The following MACROD1 variants were observed in gnomAD, a reference collection of about 807,000 sequenced individuals.
MACROD1 encodes the protein mono-ADP ribosylhydrolase 1, also known as ADP-ribose glycohydrolase MACROD1.
In MACROD1, 31 loss-of-function variants were observed where a neutral mutation model predicts 41.4. The observed-to-expected ratio is 0.75, with a 90% CI of 0.56 to 1.01. The LOEUF (loss-of-function observed/expected upper bound fraction) is 1.01, where lower values mean the gene tolerates loss of function less well. Among genes scored for constraint, MACROD1 ranks in the 50% least tolerant of loss-of-function variants. The pLI, the probability that MACROD1 is intolerant of heterozygous loss-of-function variation, is 0.00. For missense variants in MACROD1, 473 were observed against 460.0 expected, an observed-to-expected ratio of 1.03 and a Z score of -0.26; for synonymous variants, 252 against 203.4, an observed-to-expected ratio of 1.24 and a Z score of -2.03.
intron 10 of MACROD1, 51 bp downstream of exon 10, chr11:63,998,787 G>A: frequency 6.9e-7 from 1 of 1,457,694 alleles, no homozygotes; most frequent in Non-Finnish European, 9.0e-7. Flanking sequence ...GGGGTTAGTG[G>A]GCGGGTTAGT....
In MACROD1 at chr11:64,000,329, G is replaced by A; in HGVS notation, c.562C>T (p.His188Tyr). The A allele has an allele frequency of 6.3e-7, 1 of 1,582,912 alleles. No homozygotes were observed. Among genetic ancestry groups the A allele is most frequent in the Non-Finnish European group, 8.6e-7 (1 of 1,166,196 alleles). ...LGGGGVDGCI[H>Y]RAAGPLLTDE... is the part of the protein sequence containing the mutation. ...GTAAGCAGGGGGCCGGCGGCCCGAT[G>A]AATGCAGCCGTCCACTGCGGGAAGG... Residue 188 changes from histidine (H) to tyrosine (Y), a missense_variant, in exon 5 of 11, where the codon CAT (histidine) becomes TAT (tyrosine). Coordinates refer to ENST00000255681, the MANE Select transcript of MACROD1 (RefSeq NM_014067.4).
chr11:64,126,491 AC>A (rs940698090), intron 3 of MACROD1, among the ~76,000 whole-genome samples: 2 of 152,148 alleles, frequency 1.3e-5, no homozygotes, highest in Non-Finnish European at 2.9e-5. Context: ...AAGAGCCCGT[AC>A]CCCCTATAAA....
chr11:64,152,279 G>A lies in MACROD1; in HGVS notation c.400+13C>T, dbSNP rs189135366. 374 of 1,613,452 alleles carry A rather than the reference G, an allele frequency of 2.3e-4. 3 individuals are homozygous for A. The African/African-American group carries it at 4.0e-3, about 17-fold the overall frequency. Reference sequence around the variant, plus strand: ...GAGCCTGCCCACCAGGGCCTCCCCCGAGCAGGGCCTACCTTTCGCCATCTC... The same window carrying A: ...GAGCCTGCCCACCAGGGCCTCCCCCAAGCAGGGCCTACCTTTCGCCATCTC... On this transcript the variant is annotated intron_variant, in intron 2 of 10. Coordinates refer to ENST00000255681, the MANE Select transcript of MACROD1 (RefSeq NM_014067.4).
chr11:64,165,922 G>A lies in MACROD1; in HGVS notation c.73C>T (p.Arg25Cys), dbSNP rs1182967866. Reference sequence around the variant, plus strand: ...CCCGCCAAGTGTCCGGGCCGGGGGCGCGGGGGGACGAGCAGCTGCCCCGCC... The same window carrying A: ...CCCGCCAAGTGTCCGGGCCGGGGGCACGGGGGGACGAGCAGCTGCCCCGCC... ...RAAGQLLVPP[R>C]PRPGHLAGAT... The change falls in exon 1 of 11, where the codon CGC (arginine) becomes TGC (cysteine). Residue 25 changes from arginine (R) to cysteine (C), a missense_variant. Coordinates refer to ENST00000255681, the MANE Select transcript of MACROD1 (RefSeq NM_014067.4). The A allele has an allele frequency of 1.5e-6, 2 of 1,328,430 alleles. No individual in the cohort carries two copies. The highest frequency in any genetic ancestry group is 9.6e-7 in the Non-Finnish European group (1 of 1,046,218). The allele number at this position is 1,328,430 out of a possible 1,614,324, so 82.3% of individuals were successfully genotyped here.
intron 3 of MACROD1, among the ~76,000 whole-genome samples, chr11:64,078,225 C>T (rs563739404): frequency 6.0e-4 from 92 of 152,300 alleles, no homozygotes; most frequent in Non-Finnish European, 1.2e-3. Flanking sequence ...CCCAGTAGGA[C>T]GTGCCCTCCA....
At chr11:64,058,028 C>T (rs1389916617) in intron 3 of MACROD1, among the ~76,000 whole-genome samples, 1 of 152,222 alleles carries the variant, frequency 6.6e-6, no homozygotes. Context: ...ATCTGTGAGC[C>T]ACTGAGTAAT....
chr11:64,157,661 T>A (rs756557081), intron 1 of MACROD1, among the ~76,000 whole-genome samples: 7 of 152,080 alleles, frequency 4.6e-5, no homozygotes, highest in African/African-American at 9.7e-5. Context: ...GGAAGCAGGC[T>A]CCACCAGAAC....
rs76766582 is a variant in MACROD1 at position 64,087,393 on chromosome 11, G to A, written c.517+63846C>T. ...ACGGCTGTAGCCCTGACCACAGGCC[G>A]GTTGTCCCCAGCCCGAGGAGACTCC... On this transcript the variant is annotated intron_variant, in intron 3 of 10. Transcript: ENST00000255681. Among the ~76,000 whole-genome samples the A allele has an allele frequency of 6.1e-3, 922 of 152,238 alleles. 7 individuals carry two copies. Among genetic ancestry groups the A allele is most frequent in the African/African-American group, 0.021 (883 of 41,546 alleles).
At chr11:64,060,067 AACAG>A (rs1258918999) in intron 3 of MACROD1, among the ~76,000 whole-genome samples, 9 of 152,366 alleles carry the variant, frequency 5.9e-5, no homozygotes, top group African/African-American at 2.2e-4. Flanking sequence ...AGGGGCAACT[AACAG>A]ACCAATTAAG....
intron 7 of MACROD1, 48 bp downstream of exon 7, chr11:63,999,482 T>C (rs1942779185): frequency 1.3e-6 from 2 of 1,578,814 alleles, no homozygotes; most frequent in East Asian, 4.6e-5. Flanking sequence ...CCTCCCGGCG[T>C]CTGGGTCCAC....
chr11:64,017,901 G>T (rs1170391075), intron 3 of MACROD1, among the ~76,000 whole-genome samples: 4 of 152,246 alleles, frequency 2.6e-5, no homozygotes, highest in African/African-American at 9.6e-5. Flanking sequence ...GGTAGGGGAG[G>T]GTTGCTGACC....
rs2134543214 is a variant in MACROD1, at chr11:64,096,794, G to T, written c.517+54445C>A. On this transcript the variant is annotated intron_variant, in intron 3 of 10. Transcript: ENST00000255681. This position sits in a 1 kb window ranked among gnomAD's most constrained non-coding sequence, Gnocchi z 4.6. ...CAGTGCCCCTCCCTGAGGGGAAGAG[G>T]GCAGGCCTGTGGGGGGCTGCCGTGT... 6.6e-6 allele frequency among the ~76,000 whole-genome samples: 1 copy of T among 152,320 alleles called. No individual in the cohort carries two copies. Among genetic ancestry groups the T allele is most frequent in the South Asian group, 2.1e-4 (1 of 4,830 alleles).
At chr11:64,152,131 AAAAAT>A (rs1478004403) in intron 2 of MACROD1, among the ~76,000 whole-genome samples, 156 bp downstream of exon 2, 3 of 152,236 alleles carry the variant, frequency 2.0e-5, no homozygotes, top group African/African-American at 7.2e-5. Flanking sequence ...TTCCATCTCA[AAAAAT>A]AAAATAAAAT....
At chr11:64,012,750 G>T (rs1565194345) in intron 4 of MACROD1, among the ~76,000 whole-genome samples, 1 of 152,132 alleles carries the variant, frequency 6.6e-6, no homozygotes, top group Non-Finnish European at 1.5e-5. Context: ...TGGCCAGGCT[G>T]GTCTCGAACT....
At chr11:64,100,095 C>G (rs753590013) in intron 3 of MACROD1, among the ~76,000 whole-genome samples, 1 of 152,154 alleles carries the variant, frequency 6.6e-6, no homozygotes, top group Non-Finnish European at 1.5e-5. Flanking sequence ...AAGTCCTGCT[C>G]CCTCTTCTCA....
chr11:64,117,950 G>C, intron 3 of MACROD1: 1 of 1,613,714 alleles, frequency 6.2e-7, no homozygotes, highest in Non-Finnish European at 8.5e-7. Flanking sequence ...GCGGGGCAGT[G>C]GCTCTGGTCT....
intron 3 of MACROD1, among the ~76,000 whole-genome samples, chr11:64,079,411 G>A (rs1428235418): frequency 5.3e-5 from 8 of 152,078 alleles, no homozygotes; most frequent in Admixed American, 3.3e-4. Context: ...GGGGATGGGG[G>A]GGTGTGCGAA....
intron 3 of MACROD1, among the ~76,000 whole-genome samples, chr11:64,139,878 C>T (rs188968211): frequency 3.3e-5 from 5 of 151,886 alleles, no homozygotes; most frequent in East Asian, 3.9e-4. Context: ...ATAGCATGAA[C>T]CTGGGAGGCG....
intron 3 of MACROD1, among the ~76,000 whole-genome samples, chr11:64,029,065 G>A (rs78314777): frequency 0.023 from 3,441 of 152,314 alleles, 121 homozygotes; most frequent in African/African-American, 0.078. Context: ...CCCCGCCCCA[G>A]GGCACCATCT....
Sources: gnomAD v4.1 joint callset for allele counts (sites outside exome capture counted in the v4.1 genomes callset) on GRCh38, gnomAD v4.1.1 for gene constraint, Gnocchi (gnomAD v3.1) non-coding constraint, MANE v1.5 for transcripts, NCBI Gene and HGNC (gene_info 2026-07-23, HGNC 2026-07-21) for gene names.